The following CPLX2 variants were observed in gnomAD, a reference collection of about 807,000 sequenced individuals.
The protein encoded by CPLX2 is complexin-2.
A neutral mutation model predicts 16.3 loss-of-function variants in CPLX2; 5 were observed. The observed-to-expected ratio is 0.31, with a 90% confidence interval of 0.16 to 0.64. CPLX2 has a LOEUF of 0.64. Among genes scored for constraint, CPLX2 ranks in the 30% least tolerant of loss-of-function variants. The pLI is 0.79. For missense variants in CPLX2, 144 were observed against 181.4 expected (o/e 0.79, Z 1.18); for synonymous variants, 89 against 73.2 (o/e 1.22, Z -1.10).
Position 175,883,630 on chromosome 5 carries a change from G to A in CPLX2, c.*3585G>A, listed in dbSNP as rs1178257676. The A allele has an allele frequency of 6.6e-6, 1 of 152,362 alleles. No homozygotes were observed. Among genetic ancestry groups the A allele is most frequent in the East Asian group, 1.9e-4 (1 of 5,180 alleles). The allele number at this position is 152,362 out of a possible 1,614,324, so 9.4% of individuals were successfully genotyped here. ...CCACAGGCCCCTGACCGCACAGGGA[G>A]GCTGGGGCCAGCCTGGTCTCCCAGG... On this transcript the variant is annotated 3_prime_UTR_variant, in exon 4 of 4. Transcript: ENST00000393745.
At chr5:175,819,970 T>G (rs146197579) in intron 2 of CPLX2, among the ~76,000 whole-genome samples, 145 of 152,272 alleles carry the variant, frequency 9.5e-4, no homozygotes, top group African/African-American at 3.3e-3. Flanking sequence ...AAAAGGAAAT[T>G]ATCCACCTGT....
intron 2 of CPLX2, among the ~76,000 whole-genome samples, chr5:175,863,056 G>A (rs143253007): frequency 6.6e-6 from 1 of 152,364 alleles, no homozygotes; most frequent in Non-Finnish European, 1.5e-5. Context: ...GCAGAGGCAG[G>A]AGAAGTGGTC....
intron 1 of CPLX2, among the ~76,000 whole-genome samples, chr5:175,803,686 C>A (rs1026484070): frequency 1.3e-5 from 2 of 152,188 alleles, no homozygotes; most frequent in African/African-American, 4.8e-5. Flanking sequence ...CTTTGGGAGA[C>A]AGAGGGGTGG....
chr5:175,804,340 CCA>C, intron 1 of CPLX2, among the ~76,000 whole-genome samples: 1 of 152,214 alleles, frequency 6.6e-6, no homozygotes, highest in South Asian at 2.1e-4. Context: ...GGTGGGGGCC[CCA>C]GAGAACACTG....
intron 2 of CPLX2, among the ~76,000 whole-genome samples, chr5:175,835,626 G>A (rs1325508263): frequency 1.3e-5 from 2 of 151,642 alleles, no homozygotes; most frequent in Non-Finnish European, 2.9e-5. Flanking sequence ...TCTTCCCAGT[G>A]CTGAAATCAA....
intron 2 of CPLX2, among the ~76,000 whole-genome samples, chr5:175,822,094 ATCTT>A (rs781183691): frequency 8.5e-5 from 13 of 152,178 alleles, no homozygotes; most frequent in Non-Finnish European, 1.8e-4. Flanking sequence ...TTTGAATGTC[ATCTT>A]TCTTTCACTT....
chr5:175,854,734 G>C lies in CPLX2; in HGVS notation c.-88-23918G>C, dbSNP rs567146423. On this transcript the variant is annotated intron_variant, in intron 2 of 4. Coordinates refer to the CPLX2 transcript ENST00000359546. The stretch of plus-strand genomic sequence containing the variant: ...AAGTAAACATCCCAAGATCACAGCA[G>C]CCTACGAGACAGCAGAGCCAGAGTG... Among the ~76,000 whole-genome samples, 3 of 152,308 alleles carry C rather than the reference G, an allele frequency of 2.0e-5. No homozygotes were observed. In the East Asian group the frequency reaches 5.8e-4, roughly 29 times the overall value.
rs1755491234 is a variant in CPLX2 at position 175,879,001 on chromosome 5, G to A, written c.125G>A (p.Arg42Gln). 1.9e-6 allele frequency: 3 copies of A among 1,597,362 alleles called. No homozygotes were observed. Among genetic ancestry groups the A allele is most frequent in the Middle Eastern group, 1.7e-4 (1 of 5,844 alleles). The change falls in exon 3 of 4, where the codon CGG becomes CAG. Residue 42 changes from arginine (R) to glutamine (Q), a missense_variant. Transcript: ENST00000393745. The stretch of plus-strand genomic sequence containing the variant: ...GAGGAGGAGCGGCAGGAGGCGCTGC[G>A]GCAGCAGGAGGAGGAGCGTAAGGCC... The part of the protein sequence containing the change: ...KKEEERQEAL[R>Q]QQEEERKAKH...
chr5:175,806,014 A>C (rs1335233701), intron 1 of CPLX2, among the ~76,000 whole-genome samples: 2 of 152,122 alleles, frequency 1.3e-5, no homozygotes, highest in African/African-American at 4.8e-5. Context: ...CCCTGTCCAC[A>C]GCCTGTTAAG....
intron 2 of CPLX2, among the ~76,000 whole-genome samples, chr5:175,848,348 G>A (rs112619345): frequency 1.3e-5 from 2 of 152,234 alleles, no homozygotes; most frequent in African/African-American, 2.4e-5. Context: ...TGGACCAAGC[G>A]ATGCTGAGCT....
intron 1 of CPLX2, among the ~76,000 whole-genome samples, chr5:175,806,664 A>ATTT (rs5873514): frequency 0.045 from 6,421 of 143,006 alleles, 176 homozygotes; most frequent in Middle Eastern, 0.13. Context: ...TTAATTTTGT[A>ATTT]TTTTTTTTTT....
intron 2 of CPLX2, among the ~76,000 whole-genome samples, chr5:175,842,281 C>T (rs1181712648): frequency 1.3e-5 from 2 of 152,234 alleles, no homozygotes; most frequent in Non-Finnish European, 2.9e-5. Context: ...TTGACACTTA[C>T]TGAGCACCTA....
intron 2 of CPLX2, among the ~76,000 whole-genome samples, chr5:175,856,113 C>G (rs1288070062): frequency 6.6e-6 from 1 of 152,166 alleles, no homozygotes. Context: ...TAGAAGCAAC[C>G]CTGGTATAGC....
intron 2 of CPLX2, among the ~76,000 whole-genome samples, chr5:175,842,738 C>T (rs550511598): frequency 4.6e-5 from 7 of 152,356 alleles, no homozygotes; most frequent in East Asian, 3.9e-4. Flanking sequence ...CACAGGCCTG[C>T]GCCTCTGGGT....
intron 1 of CPLX2, among the ~76,000 whole-genome samples, chr5:175,797,269 T>C (rs1758003447): frequency 6.6e-6 from 1 of 152,014 alleles, no homozygotes; most frequent in African/African-American, 2.4e-5. Flanking sequence ...GATTTCAGCT[T>C]CTCCCAGAGA....
chr5:175,798,413 G>A (rs1015318116), intron 1 of CPLX2, among the ~76,000 whole-genome samples: 4 of 152,186 alleles, frequency 2.6e-5, no homozygotes, highest in Non-Finnish European at 5.9e-5. Context: ...GCTTGAGGAG[G>A]TCACAGGCCA....
At chr5:175,871,441 G>GAGAGAGAGAA (rs1561790373), upstream of CPLX2, 117 of 83,204 alleles carry the variant, frequency 1.4e-3, 3 homozygotes, top group African/African-American at 4.5e-3. Context: ...GACAGAGAGA[G>GAGAGAGAGAA]AGAGAGAGAG....
At chr5:175,848,043 T>A (rs1244936952) in intron 2 of CPLX2, among the ~76,000 whole-genome samples, 1 of 152,186 alleles carries the variant, frequency 6.6e-6, no homozygotes, top group Admixed American at 6.5e-5. Flanking sequence ...GCCAAAGAGA[T>A]GTTTAGACAC....
At chr5:175,852,397 T>C (rs1349812150) in intron 2 of CPLX2, among the ~76,000 whole-genome samples, 4 of 152,074 alleles carry the variant, frequency 2.6e-5, no homozygotes. Context: ...TGAACTGTCT[T>C]GGTAGAAAGA....
Sources: gnomAD v4.1 joint callset for allele counts (sites outside exome capture counted in the v4.1 genomes callset) on GRCh38, gnomAD v4.1.1 for gene constraint, MANE v1.5 for transcripts, NCBI Gene and HGNC (gene_info 2026-07-23, HGNC 2026-07-21) for gene names.